The following STT3B variants were observed in gnomAD, a reference collection of about 807,000 sequenced individuals.
The protein encoded by STT3B is STT3 oligosaccharyltransferase complex catalytic subunit B.
STT3B carries 29 observed loss-of-function variants against 96.8 expected under a neutral mutation model. The observed-to-expected ratio is 0.30, with a 90% CI of 0.22 to 0.41. STT3B has a LOEUF of 0.41. STT3B is among the 10% of genes least tolerant of loss of function. STT3B has a pLI of 1.00. For missense variants in STT3B, 640 were observed against 1,022.3 expected, an observed-to-expected ratio of 0.63 and a Z score of 5.10; for synonymous variants, 367 against 360.0, an observed-to-expected ratio of 1.02 and a Z score of -0.22.
rs750575995 is a variant in STT3B at position 31,533,016 on chromosome 3, C to G, written c.18C>G (p.Ala6=). The G allele has an allele frequency of 2.5e-6, 4 of 1,589,394 alleles. No homozygotes were observed. The highest frequency in any genetic ancestry group is 4.9e-5 in the East Asian group (2 of 40,608). The change falls in exon 1 of 16, where the codon GCC becomes GCG. Residue 6 remains alanine (A), a synonymous_variant. Transcript: ENST00000295770. ...GGCACAACATGGCGGAGCCCTCGGC[C>G]CCGGAGAGCAAGCACAAGTCGTCCC... The part of the protein sequence containing the change: MAEPS[A]PESKHKSSLN...
chr3:31,632,152 G>A (rs1019862150), intron 14 of STT3B, among the ~76,000 whole-genome samples: 1 of 152,160 alleles, frequency 6.6e-6, no homozygotes, highest in African/African-American at 2.4e-5. Flanking sequence ...CACCACATCA[G>A]GACGGTCTGA....
intron 5 of STT3B, among the ~76,000 whole-genome samples, chr3:31,611,011 A>G (rs1017709349): frequency 6.6e-6 from 1 of 152,204 alleles, no homozygotes; most frequent in Non-Finnish European, 1.5e-5. Context: ...CTTCTAACTT[A>G]AAGGGTAAGA....
intron 5 of STT3B, among the ~76,000 whole-genome samples, chr3:31,613,805 T>A (rs1699240273): frequency 6.6e-6 from 1 of 151,988 alleles, no homozygotes; most frequent in South Asian, 2.1e-4. Context: ...TGATTACATT[T>A]GGGTTTGGGT....
chr3:31,607,598 T>C (rs1699081506), intron 5 of STT3B, among the ~76,000 whole-genome samples: 1 of 152,168 alleles, frequency 6.6e-6, no homozygotes, highest in Admixed American at 6.5e-5. Flanking sequence ...TCTTTGTAAA[T>C]TGCCTAGTCT....
chr3:31,606,660 AGGT>A (rs1699061199), intron 5 of STT3B, among the ~76,000 whole-genome samples: 1 of 152,134 alleles, frequency 6.6e-6, no homozygotes, highest in Non-Finnish European at 1.5e-5. Context: ...TTTGCTGGAG[AGGT>A]GGGGCCCTCA....
At chr3:31,624,671 T>C (rs75421496) in intron 11 of STT3B, among the ~76,000 whole-genome samples, 3 of 82,000 alleles carry the variant, frequency 3.7e-5, no homozygotes, top group African/African-American at 9.5e-5. Context: ...CAGAATCGGC[T>C]TTTTTTTTTT....
At chr3:31,550,906 C>G (rs1251401861) in intron 1 of STT3B, among the ~76,000 whole-genome samples, 1 of 151,976 alleles carries the variant, frequency 6.6e-6, no homozygotes, top group Non-Finnish European at 1.5e-5. Context: ...ATTGAAATGC[C>G]AACTTTAGTT....
In STT3B at chr3:31,532,942, C is replaced by G. The variant is rs1159881502; in HGVS notation, c.-57C>G. 8 of 1,543,132 alleles carry G rather than the reference C, an allele frequency of 5.2e-6. No homozygotes were observed. The highest frequency in any genetic ancestry group is 7.0e-6 in the Non-Finnish European group (8 of 1,147,820). The stretch of plus-strand genomic sequence containing the variant: ...TCCTCCGGGTCCCCGCCCAGCACCC[C>G]TCGCACCAGGCGGCGGCGGCGGAGG... On this transcript the variant is annotated 5_prime_UTR_variant, in exon 1 of 16. Coordinates refer to ENST00000295770, the MANE Select transcript of STT3B (RefSeq NM_178862.3).
chr3:31,591,532 A>G (rs981376691), intron 3 of STT3B, among the ~76,000 whole-genome samples: 1 of 152,032 alleles, frequency 6.6e-6, no homozygotes, highest in Admixed American at 6.6e-5. Flanking sequence ...TGTTATTGCT[A>G]TTTATTTATA....
At chr3:31,618,653 G>A (rs545265417) in intron 8 of STT3B, among the ~76,000 whole-genome samples, 2 of 151,910 alleles carry the variant, frequency 1.3e-5, no homozygotes, top group African/African-American at 4.8e-5. Context: ...ACAATTTATT[G>A]AACAGACATG....
chr3:31,597,294 G>GA (rs1559380065), intron 4 of STT3B, among the ~76,000 whole-genome samples: 2 of 151,934 alleles, frequency 1.3e-5, no homozygotes, highest in African/African-American at 4.8e-5. Context: ...TGAGTAGCTG[G>GA]GATTACAGGC....
intron 1 of STT3B, among the ~76,000 whole-genome samples, chr3:31,547,064 T>G (rs1697431240): frequency 6.6e-6 from 1 of 152,182 alleles, no homozygotes; most frequent in Non-Finnish European, 1.5e-5. Flanking sequence ...GTATTTTTAT[T>G]TACTTATAAA....
At chr3:31,540,728 A>T (rs1365381081) in intron 1 of STT3B, among the ~76,000 whole-genome samples, 1 of 152,164 alleles carries the variant, frequency 6.6e-6, no homozygotes, top group East Asian at 1.9e-4. Flanking sequence ...GTAAAATTTT[A>T]TGTTGTTGCC....
intron 1 of STT3B, among the ~76,000 whole-genome samples, chr3:31,569,305 T>G (rs1050404190): frequency 7.2e-5 from 11 of 152,226 alleles, no homozygotes; most frequent in Admixed American, 5.2e-4. Flanking sequence ...GCTTTAATGT[T>G]TTTGAATACC....
chr3:31,615,770 ATACT>A (rs1462094951), intron 6 of STT3B, among the ~76,000 whole-genome samples: 4 of 151,948 alleles, frequency 2.6e-5, no homozygotes, highest in Non-Finnish European at 5.9e-5. Context: ...ATCTTTGATA[ATACT>A]TACTTAACCA....
At chr3:31,597,132 T>A (rs943868756) in intron 4 of STT3B, among the ~76,000 whole-genome samples, 2 of 152,106 alleles carry the variant, frequency 1.3e-5, no homozygotes, top group African/African-American at 4.8e-5. Context: ...ATTAAGAATT[T>A]TTTTTAATTT....
intron 1 of STT3B, among the ~76,000 whole-genome samples, chr3:31,558,416 A>G (rs1158373129): frequency 2.0e-5 from 3 of 152,182 alleles, no homozygotes; most frequent in Non-Finnish European, 4.4e-5. Flanking sequence ...TTCAAAATTA[A>G]AAAATCAAAT....
At chr3:31,568,592 G>C (rs1314588669) in intron 1 of STT3B, among the ~76,000 whole-genome samples, 1 of 152,082 alleles carries the variant, frequency 6.6e-6, no homozygotes, top group Non-Finnish European at 1.5e-5. Flanking sequence ...GTTTTGATTT[G>C]CATTTTTCTG....
chr3:31,602,779 G>A (rs1698960043), intron 5 of STT3B, among the ~76,000 whole-genome samples: 1 of 150,814 alleles, frequency 6.6e-6, no homozygotes, highest in Non-Finnish European at 1.5e-5. Context: ...GGATGTATGT[G>A]TGTATAAAGC....
Sources: gnomAD v4.1 joint callset for allele counts (sites outside exome capture counted in the v4.1 genomes callset) on GRCh38, gnomAD v4.1.1 for gene constraint, MANE v1.5 for transcripts, NCBI Gene and HGNC (gene_info 2026-07-23, HGNC 2026-07-21) for gene names.